Variants in NTRK3 observed in about 807,000 individuals in gnomAD.
The protein encoded by NTRK3 is NT-3 growth factor receptor.
Under a neutral mutation model 91.7 loss-of-function variants are expected in NTRK3, and 24 were observed. That is an observed-to-expected ratio of 0.26 (90% confidence interval 0.19 to 0.37). The LOEUF is 0.37. Ranked by LOEUF, NTRK3 falls within the 10% of genes least tolerant of loss-of-function variation. The probability of loss-of-function intolerance (pLI) is 1.00; values close to 1 mark genes in which losing one functional copy is unlikely to be tolerated. For synonymous variants in NTRK3, 483 were observed against 404.0 expected (o/e 1.20, Z -2.34); for missense variants, 880 against 1,068.9 (o/e 0.82, Z 2.46).
chr15:88,109,630 TGGGGGGCTGGGCG>T (rs1479245710), intron 13 of NTRK3, among the ~76,000 whole-genome samples: 1 of 151,428 alleles, frequency 6.6e-6, no homozygotes, highest in Non-Finnish European at 1.5e-5. Flanking sequence ...CAGAAAGAGG[TGGGGGGCTGGGCG>T]GGGGGCGTTG....
chr15:88,054,256 T>G (rs1414332829), intron 13 of NTRK3, among the ~76,000 whole-genome samples: 2 of 152,216 alleles, frequency 1.3e-5, no homozygotes, highest in Non-Finnish European at 2.9e-5. Context: ...CTACCATTTG[T>G]TGGAAAGTTA....
intron 3 of NTRK3, among the ~76,000 whole-genome samples, chr15:88,210,649 G>A (rs115016680): frequency 9.9e-5 from 15 of 152,274 alleles, no homozygotes; most frequent in African/African-American, 3.4e-4. Flanking sequence ...ACTTGCCCCT[G>A]GTTTTATTTA....
rs369607680 is a variant in NTRK3, at chr15:88,175,847, G to A, written c.395+7571C>T. On this transcript the variant is annotated intron_variant, in intron 5 of 18. Transcript: ENST00000394480. The stretch of plus-strand genomic sequence containing the variant: ...AGATATATGTGATAAAGCCAGAATC[G>A]AATGTCAGGCCATGTGGTTCAAGAG... Among the ~76,000 whole-genome samples, 6 of 152,250 alleles carry A rather than the reference G, an allele frequency of 3.9e-5. 1 individual carries two copies. In the South Asian group the frequency reaches 1.0e-3, roughly 26 times the overall value.
intron 17 of NTRK3, among the ~76,000 whole-genome samples, chr15:87,921,887 A>C (rs537963520): frequency 6.6e-6 from 1 of 152,246 alleles, no homozygotes; most frequent in Admixed American, 6.5e-5. Flanking sequence ...GTATTAAAAA[A>C]AAAAAAAACT....
chr15:88,160,884 G>T (rs1196632080), intron 5 of NTRK3, among the ~76,000 whole-genome samples: 1 of 152,202 alleles, frequency 6.6e-6, no homozygotes, highest in Non-Finnish European at 1.5e-5. Flanking sequence ...TAAGCTGTCA[G>T]CTCTGACCCT....
chr15:88,173,907 C>G (rs2045760770), intron 5 of NTRK3, among the ~76,000 whole-genome samples: 1 of 152,212 alleles, frequency 6.6e-6, no homozygotes, highest in Non-Finnish European at 1.5e-5. Flanking sequence ...CTCTCTGTGC[C>G]TCAAATTCCC....
chr15:88,014,520 GA>G (rs533050289), intron 14 of NTRK3, among the ~76,000 whole-genome samples: 273 of 152,294 alleles, frequency 1.8e-3, no homozygotes, highest in Admixed American at 3.1e-3. Flanking sequence ...AGCAGGAAAG[GA>G]AAAACTTAGC....
chr15:88,133,022 G>A (rs141754519), intron 10 of NTRK3, among the ~76,000 whole-genome samples: 13 of 152,222 alleles, frequency 8.5e-5, no homozygotes, highest in Middle Eastern at 3.4e-3. Context: ...TCACCTGGGG[G>A]CTTGTTAAAA....
At chr15:88,126,178 C>G in intron 13 of NTRK3, 93 bp downstream of exon 13, 2 of 957,398 alleles carry the variant, frequency 2.1e-6, no homozygotes, top group Non-Finnish European at 3.3e-6. Context: ...GAGGCCCTCT[C>G]AGAGAGCAAT....
chr15:87,861,825 T>G (rs34451252), exon 19 of NTRK3: 591 of 203,660 alleles, frequency 2.9e-3, no homozygotes, highest in Middle Eastern at 5.0e-3. Context: ...GCCAGTTCCC[T>G]CCTGGGGCTT....
chr15:88,099,428 C>T (rs780734681), intron 13 of NTRK3, among the ~76,000 whole-genome samples: 8 of 152,330 alleles, frequency 5.3e-5, no homozygotes, highest in South Asian at 4.1e-4. Flanking sequence ...GGGGAAATGA[C>T]TGCAAAGACG....
intron 14 of NTRK3, among the ~76,000 whole-genome samples, chr15:87,952,741 C>T (rs943431780): frequency 1.3e-5 from 2 of 152,148 alleles, no homozygotes; most frequent in African/African-American, 2.4e-5. Context: ...AGGAGACTGT[C>T]CGGGAGTCCC....
At chr15:88,029,488 A>T (rs1266675538) in intron 14 of NTRK3, among the ~76,000 whole-genome samples, 1 of 152,256 alleles carries the variant, frequency 6.6e-6, no homozygotes, top group East Asian at 1.9e-4. Context: ...TAAGTACAGA[A>T]AGAAAAGCAC....
intron 5 of NTRK3, among the ~76,000 whole-genome samples, chr15:88,164,206 C>A (rs1041874458): frequency 6.6e-6 from 1 of 152,216 alleles, no homozygotes. Context: ...GGTCTTGGCC[C>A]CTTGCTGGAC....
intron 3 of NTRK3, among the ~76,000 whole-genome samples, chr15:88,228,148 C>T (rs1266995994): frequency 6.6e-6 from 1 of 152,130 alleles, no homozygotes; most frequent in Non-Finnish European, 1.5e-5. Flanking sequence ...TGCTGATCTT[C>T]CTCTATCTCT....
intron 13 of NTRK3, among the ~76,000 whole-genome samples, chr15:88,065,195 C>A (rs912217192): frequency 1.3e-5 from 2 of 152,092 alleles, no homozygotes; most frequent in East Asian, 1.9e-4. Context: ...GGAGGCCAAC[C>A]AAGCACTGAA....
At chr15:88,100,685 G>T (rs2050081386) in intron 13 of NTRK3, among the ~76,000 whole-genome samples, 1 of 152,104 alleles carries the variant, frequency 6.6e-6, no homozygotes. Flanking sequence ...AATGCCTGGG[G>T]CTCTGTCCCA....
At chr15:87,887,314 G>T (rs116836282) in intron 17 of NTRK3, among the ~76,000 whole-genome samples, 1,934 of 152,260 alleles carry the variant, frequency 0.013, 54 homozygotes, top group African/African-American at 0.045. Context: ...AATATTTCAA[G>T]AAGCCTGTGA....
chr15:88,065,251 C>G (rs1436785940), intron 13 of NTRK3, among the ~76,000 whole-genome samples: 1 of 152,166 alleles, frequency 6.6e-6, no homozygotes, highest in Non-Finnish European at 1.5e-5. Flanking sequence ...TCCTACCCAC[C>G]ACCAGGAGCA....
Sources: gnomAD v4.1 joint callset for allele counts (sites outside exome capture counted in the v4.1 genomes callset) on GRCh38, gnomAD v4.1.1 for gene constraint, MANE v1.5 for transcripts, NCBI Gene and HGNC (gene_info 2026-07-23, HGNC 2026-07-21) for gene names.